ESRRG: variants seen among roughly 807,000 people sequenced by gnomAD.
ESRRG encodes the protein estrogen-related receptor gamma.
A neutral mutation model predicts 44.0 loss-of-function variants in ESRRG; 13 were observed. The ratio of observed to expected loss-of-function variants is 0.30; its 90% CI spans 0.19 to 0.47. The LOEUF is 0.47. Among genes scored for constraint, ESRRG ranks in the 20% least tolerant of loss-of-function variants. ESRRG has a pLI of 1.00. For missense variants in ESRRG, 395 were observed against 580.6 expected (o/e 0.68, Z 3.29); for synonymous variants, 215 against 214.6 (o/e 1.00, Z -0.02).
chr1:216,689,075 G>A (rs1243362612), intron 1 of ESRRG, among the ~76,000 whole-genome samples: 6 of 152,058 alleles, frequency 3.9e-5, no homozygotes, highest in Non-Finnish European at 5.9e-5. Flanking sequence ...ACTGGCATTC[G>A]CAATAATGAG....
At chr1:216,857,734 A>G (rs1043923351) in intron 2 of ESRRG, among the ~76,000 whole-genome samples, 13 of 152,036 alleles carry the variant, frequency 8.6e-5, no homozygotes, top group East Asian at 7.7e-4. Flanking sequence ...AAAAAAAAAA[A>G]AAAAAGTCCC....
chr1:216,873,561 C>G (rs889818258), intron 2 of ESRRG, among the ~76,000 whole-genome samples: 1 of 152,078 alleles, frequency 6.6e-6, no homozygotes, highest in Non-Finnish European at 1.5e-5. Flanking sequence ...AGCTCTTAAC[C>G]AATGGATTCT....
At chr1:216,577,454 T>G (rs1178570677) in intron 3 of ESRRG, among the ~76,000 whole-genome samples, 1 of 152,040 alleles carries the variant, frequency 6.6e-6, no homozygotes, top group Non-Finnish European at 1.5e-5. Flanking sequence ...GAAATGGGGT[T>G]GTACATCAAC....
rs2041186458 is a variant in ESRRG at position 216,506,274 on chromosome 1, CTCTT to C, written c.*661_*664del. 5.2e-6 allele frequency: 1 copy of C among 192,088 alleles called. No homozygotes were observed. The highest frequency in any genetic ancestry group is 2.4e-5 in the African/African-American group (1 of 42,278). The allele number at this position is 192,088 out of a possible 1,614,324, so 11.9% of individuals were successfully genotyped here. A position where few individuals can be genotyped will look rare whatever the true frequency, so the allele number is the denominator to read the frequency against. On this transcript the variant is annotated 3_prime_UTR_variant, in exon 7 of 7. Transcript: ENST00000408911. Reference sequence around the variant, plus strand: ...GTACTTTTAGGAACGTTGGTTCTCTCTCTTTGATTCCTTAGTCATTGGGGACAGT... The same window carrying C: ...GTACTTTTAGGAACGTTGGTTCTCTCTGATTCCTTAGTCATTGGGGACAGT...
chr1:216,886,166 C>T (rs1297400267), intron 2 of ESRRG, among the ~76,000 whole-genome samples: 3 of 152,126 alleles, frequency 2.0e-5, no homozygotes, highest in African/African-American at 4.8e-5. Flanking sequence ...CTGGGATCTT[C>T]TTCCCTACCC....
At chr1:216,845,927 G>A (rs1247862107) in intron 2 of ESRRG, among the ~76,000 whole-genome samples, 1 of 152,114 alleles carries the variant, frequency 6.6e-6, no homozygotes, top group Non-Finnish European at 1.5e-5. Context: ...GGGAAAGAAA[G>A]CTGCGTTTCT....
At chr1:216,586,699 C>T (rs547369605) in intron 3 of ESRRG, among the ~76,000 whole-genome samples, 207 of 151,902 alleles carry the variant, frequency 1.4e-3, no homozygotes, top group African/African-American at 4.8e-3. Context: ...GCCTCAGCTC[C>T]AGAGTGGCTG....
Position 217,078,971 on chromosome 1 carries a change from A to C in ESRRG, c.-106+10536T>G, listed in dbSNP as rs1328893018. On this transcript the variant is annotated intron_variant, in intron 1 of 7. Transcript: ENST00000359162. The stretch of plus-strand genomic sequence containing the variant: ...CACTCCAACAGAACCAACTGTTGTA[A>C]TGAGCTATAGAGATGTTAGGAACAG... Among the ~76,000 whole-genome samples, 3 of 152,202 alleles carry C rather than the reference A, an allele frequency of 2.0e-5. No homozygotes were observed. In the East Asian group the frequency reaches 5.8e-4, roughly 29 times the overall value.
chr1:216,579,475 G>T (rs2062320435), intron 3 of ESRRG, among the ~76,000 whole-genome samples: 1 of 152,164 alleles, frequency 6.6e-6, no homozygotes, highest in Non-Finnish European at 1.5e-5. Flanking sequence ...GTGAAGTATT[G>T]TACATGTGAA....
chr1:216,959,146 TA>T (rs1446891749), intron 1 of ESRRG, among the ~76,000 whole-genome samples: 1 of 151,988 alleles, frequency 6.6e-6, no homozygotes, highest in Non-Finnish European at 1.5e-5. Context: ...TACCAAAATA[TA>T]AGCTCTATGA....
At chr1:216,888,529 C>G (rs1182385157) in intron 2 of ESRRG, among the ~76,000 whole-genome samples, 1 of 152,070 alleles carries the variant, frequency 6.6e-6, no homozygotes, top group Non-Finnish European at 1.5e-5. Context: ...TCATTTCTTT[C>G]AGCATGTCCA....
At chr1:216,707,305 T>C (rs986956114) in intron 1 of ESRRG, 10 of 1,530,128 alleles carry the variant, frequency 6.5e-6, no homozygotes, top group Middle Eastern at 3.3e-4. Context: ...CATTTTAAGA[T>C]TTAATGGCAA....
chr1:216,592,581 A>T (rs113552090), intron 3 of ESRRG, among the ~76,000 whole-genome samples: 3 of 151,682 alleles, frequency 2.0e-5, no homozygotes, highest in Admixed American at 6.6e-5. Flanking sequence ...GCTCACTGCA[A>T]CCTCCACCTC....
intron 2 of ESRRG, among the ~76,000 whole-genome samples, chr1:216,822,504 A>G (rs2095318740): frequency 6.6e-6 from 1 of 152,234 alleles, no homozygotes; most frequent in South Asian, 2.1e-4. Context: ...AATTTAAAGA[A>G]GGAATCATGG....
chr1:216,697,654 A>T (rs2080448884), intron 1 of ESRRG, among the ~76,000 whole-genome samples: 1 of 152,222 alleles, frequency 6.6e-6, no homozygotes, highest in South Asian at 2.1e-4. Flanking sequence ...CAAAATAGCC[A>T]TGCTAAGAAT....
intron 1 of ESRRG, among the ~76,000 whole-genome samples, chr1:217,001,861 CTT>C (rs2077072768): frequency 6.6e-6 from 1 of 152,158 alleles, no homozygotes; most frequent in Non-Finnish European, 1.5e-5. Context: ...TTTAAAATCT[CTT>C]TACCTTAAAA....
intron 1 of ESRRG, among the ~76,000 whole-genome samples, chr1:217,009,610 A>C (rs999868584): frequency 6.6e-6 from 1 of 152,108 alleles, no homozygotes; most frequent in African/African-American, 2.4e-5. Context: ...TTAGGCCTGA[A>C]AGTTTGCTTA....
At chr1:216,939,343 C>CAAAAAAAAAAAAAAAAAAAAAAAAAAAA (rs201260010) in intron 2 of ESRRG, among the ~76,000 whole-genome samples, 25 of 50,080 alleles carry the variant, frequency 5.0e-4, no homozygotes, top group East Asian at 1.3e-3. Context: ...TACACATAGA[C>CAAAAAAAAAAAAAAAAAAAAAAAAAAAA]AAAAAAAAAA....
chr1:216,996,034 C>T (rs1304325905), intron 1 of ESRRG, among the ~76,000 whole-genome samples: 1 of 147,426 alleles, frequency 6.8e-6, no homozygotes, highest in Non-Finnish European at 1.5e-5. Flanking sequence ...CTTTTATTAA[C>T]AAAAAAAAAA....
Sources: allele counts gnomAD v4.1 joint callset (sites outside exome capture counted in the v4.1 genomes callset), GRCh38; gene constraint gnomAD v4.1.1; transcripts MANE v1.5; gene names NCBI Gene and HGNC (gene_info 2026-07-23, HGNC 2026-07-21).